AGBL1: variants seen among roughly 807,000 people sequenced by gnomAD.
AGBL1 encodes the protein AGBL carboxypeptidase 1.
In AGBL1, 130 loss-of-function variants were observed where a neutral mutation model predicts 118.9. The observed-to-expected ratio is 1.09, with a 90% CI of 0.95 to 1.26. The LOEUF is 1.26. Among genes scored for constraint, AGBL1 ranks in the 50% most tolerant of loss-of-function variants. The pLI is 0.00. For synonymous variants in AGBL1, 555 were observed against 478.9 expected (o/e 1.16, Z -2.08); for missense variants, 1,584 against 1,298.1 (o/e 1.22, Z -3.38).
At chr15:86,574,212 C>T (rs139086716) in intron 21 of AGBL1, among the ~76,000 whole-genome samples, 523 of 152,318 alleles carry the variant, frequency 3.4e-3, no homozygotes, top group Middle Eastern at 0.01. Flanking sequence ...TATCTGCATG[C>T]TGTGCACCAC....
At chr15:86,339,390 A>C (rs986223542) in intron 17 of AGBL1, among the ~76,000 whole-genome samples, 7 of 152,148 alleles carry the variant, frequency 4.6e-5, no homozygotes, top group Non-Finnish European at 1.0e-4. Context: ...TTATCGCGAA[A>C]TTTGGCAAGT....
chr15:86,777,253 G>T (rs1289983592), intron 22 of AGBL1, among the ~76,000 whole-genome samples: 1 of 151,734 alleles, frequency 6.6e-6, no homozygotes, highest in African/African-American at 2.4e-5. Flanking sequence ...TCCTGCACCT[G>T]TACCATCCAG....
At chr15:86,329,916 G>A (rs1164956813) in intron 17 of AGBL1, among the ~76,000 whole-genome samples, 1 of 152,240 alleles carries the variant, frequency 6.6e-6, no homozygotes. Flanking sequence ...GGCATCCAGA[G>A]CATCCACTCT....
chr15:86,513,823 TG>T (rs2083082447), intron 18 of AGBL1, among the ~76,000 whole-genome samples: 1 of 152,110 alleles, frequency 6.6e-6, no homozygotes, highest in Non-Finnish European at 1.5e-5. Context: ...CTATTGTTCG[TG>T]GTCAAATCTT....
At chr15:86,141,847 G>C (rs555204662) in intron 1 of AGBL1, among the ~76,000 whole-genome samples, 157 bp from the exon 2 acceptor site, 1 of 152,298 alleles carries the variant, frequency 6.6e-6, no homozygotes, top group East Asian at 1.9e-4. Flanking sequence ...CACAGCCCCT[G>C]GGTCTCTTAC....
At chr15:86,370,901 G>T (rs567367775) in intron 17 of AGBL1, among the ~76,000 whole-genome samples, 1 of 152,200 alleles carries the variant, frequency 6.6e-6, no homozygotes, top group Non-Finnish European at 1.5e-5. Context: ...ATCACAGAAG[G>T]CACCTACACA....
intron 16 of AGBL1, among the ~76,000 whole-genome samples, chr15:86,286,474 C>T (rs374811057): frequency 8.6e-5 from 13 of 151,846 alleles, no homozygotes; most frequent in East Asian, 1.9e-4. Flanking sequence ...CCCTTGTTCC[C>T]GCTCCTCCAG....
At chr15:86,550,364 A>G (rs2083647643) in intron 20 of AGBL1, among the ~76,000 whole-genome samples, 1 of 152,152 alleles carries the variant, frequency 6.6e-6, no homozygotes, top group African/African-American at 2.4e-5. Context: ...AAATAGGTTC[A>G]AGTATATATT....
At chr15:86,310,052 A>G (rs2079896611) in intron 17 of AGBL1, among the ~76,000 whole-genome samples, 1 of 152,186 alleles carries the variant, frequency 6.6e-6, no homozygotes, top group African/African-American at 2.4e-5. Context: ...AAGCCATCAG[A>G]TCCTGAGCTT....
At chr15:86,278,438 G>T (rs1208912293) in intron 15 of AGBL1, among the ~76,000 whole-genome samples, 1 of 151,228 alleles carries the variant, frequency 6.6e-6, no homozygotes, top group East Asian at 1.9e-4. Flanking sequence ...CCATTCCGAG[G>T]TGTATAAATA....
chr15:86,188,744 C>T (rs2077671483), intron 5 of AGBL1, among the ~76,000 whole-genome samples: 1 of 152,148 alleles, frequency 6.6e-6, no homozygotes, highest in Non-Finnish European at 1.5e-5. Context: ...CATGTGCCTA[C>T]AAGATGGTAC....
In AGBL1 at chr15:86,579,913, T is replaced by C. The variant is rs556438949; in HGVS notation, c.2994+25376T>C. Among the ~76,000 whole-genome samples, 6 of 152,216 alleles carry C rather than the reference T, an allele frequency of 3.9e-5. No homozygotes were observed. In the East Asian group the frequency reaches 1.2e-3, roughly 29 times the overall value. On this transcript the variant is annotated intron_variant, in intron 21 of 22. Transcript: ENST00000614907. ...TGATGACTCCCAGGTTTCTGGACTG[T>C]ATTTGATACTGGGAATGTAAGAAGG... is the stretch of plus-strand genomic sequence containing the variant.
At chr15:86,581,031 C>G (rs2084165447) in intron 21 of AGBL1, among the ~76,000 whole-genome samples, 1 of 152,130 alleles carries the variant, frequency 6.6e-6, no homozygotes. Context: ...CTTTCCTTCA[C>G]TCACTCCAAT....
intron 21 of AGBL1, among the ~76,000 whole-genome samples, chr15:86,628,562 C>T (rs761829298): frequency 6.6e-5 from 10 of 151,950 alleles, no homozygotes; most frequent in African/African-American, 2.2e-4. Flanking sequence ...TTTGGGAGGC[C>T]GAGGTGGGTG....
At chr15:86,829,296 T>C (rs2079073220) in intron 22 of AGBL1, among the ~76,000 whole-genome samples, 1 of 152,164 alleles carries the variant, frequency 6.6e-6, no homozygotes, top group South Asian at 2.1e-4. Flanking sequence ...CATATGAGAA[T>C]ACTGCTCCAA....
chr15:86,286,403 C>T (rs1283607705), intron 16 of AGBL1, among the ~76,000 whole-genome samples: 3 of 146,608 alleles, frequency 2.0e-5, no homozygotes, highest in Non-Finnish European at 3.1e-5. Context: ...GATGACCAGA[C>T]GTTATTCCTC....
intron 21 of AGBL1, among the ~76,000 whole-genome samples, chr15:86,593,557 G>C (rs2084366869): frequency 1.3e-5 from 2 of 152,140 alleles, no homozygotes; most frequent in South Asian, 4.1e-4. Context: ...TTTTCTGCAT[G>C]ATTCAGTTAA....
chr15:86,523,392 A>G (rs534309585), intron 19 of AGBL1, among the ~76,000 whole-genome samples: 2 of 152,022 alleles, frequency 1.3e-5, no homozygotes, highest in South Asian at 4.1e-4. Flanking sequence ...ATTAGGGCTT[A>G]TTCTAATTAA....
At chr15:86,632,029 ATTT>A (rs60551645) in intron 21 of AGBL1, among the ~76,000 whole-genome samples, 17,168 of 146,020 alleles carry the variant, frequency 0.12, 1,114 homozygotes, top group East Asian at 0.15. Context: ...TATTTCCACA[ATTT>A]TTTTTTTTTT....
Sources: allele counts gnomAD v4.1 joint callset (sites outside exome capture counted in the v4.1 genomes callset), GRCh38; gene constraint gnomAD v4.1.1; transcripts MANE v1.5; gene names NCBI Gene and HGNC (gene_info 2026-07-23, HGNC 2026-07-21).